The following DPP10 variants were observed in gnomAD, a reference collection of about 807,000 sequenced individuals.
The protein encoded by DPP10 is inactive dipeptidyl peptidase 10.
DPP10 carries 33 observed loss-of-function variants against 120.9 expected under a neutral mutation model. The observed-to-expected ratio is 0.27, with a 90% CI of 0.21 to 0.37. DPP10 has a LOEUF of 0.37. DPP10 is among the 10% of genes least tolerant of loss of function. DPP10 has a pLI of 1.00. For missense variants in DPP10, 816 were observed against 942.8 expected, an observed-to-expected ratio of 0.87 and a Z score of 1.76; for synonymous variants, 337 against 326.1, an observed-to-expected ratio of 1.03 and a Z score of -0.36.
At chr2:115,099,550 AC>A (rs2048579239) in intron 1 of DPP10, among the ~76,000 whole-genome samples, 1 of 152,028 alleles carries the variant, frequency 6.6e-6, no homozygotes, top group Non-Finnish European at 1.5e-5. Context: ...GGACCTTTAA[AC>A]CTCTAGAACC....
intron 4 of DPP10, among the ~76,000 whole-genome samples, chr2:115,511,300 T>C (rs2077210324): frequency 6.6e-6 from 1 of 152,110 alleles, no homozygotes; most frequent in African/African-American, 2.4e-5. Flanking sequence ...ATATTACTTC[T>C]GAAATTTATG....
At chr2:114,558,404 C>G (rs1179825163) in intron 1 of DPP10, among the ~76,000 whole-genome samples, 2 of 152,238 alleles carry the variant, frequency 1.3e-5, no homozygotes, top group Non-Finnish European at 2.9e-5. Flanking sequence ...CTCTCTACTA[C>G]AAAGCCCTTC....
At chr2:114,985,641 T>C (rs1041203426) in intron 1 of DPP10, among the ~76,000 whole-genome samples, 12 of 152,194 alleles carry the variant, frequency 7.9e-5, no homozygotes, top group African/African-American at 2.7e-4. Flanking sequence ...CCATGGGCAA[T>C]GAACAAGTTC....
In DPP10 at chr2:115,408,878, G is replaced by A. The variant is rs192346969; in HGVS notation, c.271+64966G>A. Among the ~76,000 whole-genome samples, 18 of 152,064 alleles carry A rather than the reference G, an allele frequency of 1.2e-4. 1 individual carries two copies. The East Asian group carries it at 3.3e-3, about 28-fold the overall frequency. ...AAAAACATAAAAAATTTAATGTTAA[G>A]AATGTAAGATTCTCTCCAAAAAACT... On this transcript the variant is annotated intron_variant, in intron 3 of 25. Coordinates refer to ENST00000410059, the MANE Select transcript of DPP10 (RefSeq NM_020868.6).
chr2:115,327,034 C>G (rs2106140503), intron 2 of DPP10, among the ~76,000 whole-genome samples: 1 of 152,154 alleles, frequency 6.6e-6, no homozygotes, highest in Non-Finnish European at 1.5e-5. Flanking sequence ...ATCCTACAAG[C>G]TCCATTCTTG....
At chr2:115,610,615 T>C (rs1383381055) in intron 5 of DPP10, among the ~76,000 whole-genome samples, 3 of 152,196 alleles carry the variant, frequency 2.0e-5, no homozygotes, top group African/African-American at 7.2e-5. Context: ...TTTATAATTA[T>C]CCATGTGAAT....
rs544658528 is a variant in DPP10 at position 114,961,554 on chromosome 2, A to G, written c.61-347685A>G. ...CTTATGAAATGTAATTGGAACTTTT[A>G]TCACATTGTGATTGTACCTTTGTGT... On this transcript the variant is annotated intron_variant, in intron 1 of 25. Coordinates refer to ENST00000410059, the MANE Select transcript of DPP10 (RefSeq NM_020868.6). Among the ~76,000 whole-genome samples the G allele has an allele frequency of 2.0e-5, 3 of 152,180 alleles. No homozygotes were observed. The East Asian group carries it at 5.8e-4, about 29-fold the overall frequency.
chr2:115,015,760 G>A (rs1174279020), intron 1 of DPP10, among the ~76,000 whole-genome samples: 1 of 152,086 alleles, frequency 6.6e-6, no homozygotes, highest in Non-Finnish European at 1.5e-5. Flanking sequence ...TTGCTACAAA[G>A]AGAATAAAAT....
chr2:114,803,317 G>A (rs546578301), intron 1 of DPP10, among the ~76,000 whole-genome samples: 4 of 152,278 alleles, frequency 2.6e-5, no homozygotes, highest in Non-Finnish European at 5.9e-5. Context: ...TTTATCAGCA[G>A]CATGAATACA....
At chr2:114,744,268 A>T (rs1217678497) in intron 1 of DPP10, among the ~76,000 whole-genome samples, 1 of 152,232 alleles carries the variant, frequency 6.6e-6, no homozygotes, top group Non-Finnish European at 1.5e-5. Flanking sequence ...AGCAAAGAGT[A>T]ATAGGATTAT....
At chr2:114,537,355 T>G (rs190679973) in intron 1 of DPP10, among the ~76,000 whole-genome samples, 1 of 152,138 alleles carries the variant, frequency 6.6e-6, no homozygotes, top group East Asian at 1.9e-4. Context: ...CTCGGAAGGA[T>G]AGGAATTCAT....
At chr2:115,263,681 C>G (rs1298628695) in intron 1 of DPP10, among the ~76,000 whole-genome samples, 1 of 152,152 alleles carries the variant, frequency 6.6e-6, no homozygotes, top group Non-Finnish European at 1.5e-5. Context: ...CATAAACATT[C>G]TACTCTTGTA....
intron 5 of DPP10, among the ~76,000 whole-genome samples, chr2:115,660,313 G>A (rs2088814577): frequency 6.6e-6 from 1 of 152,116 alleles, no homozygotes; most frequent in Non-Finnish European, 1.5e-5. Flanking sequence ...TTTTTAGAGA[G>A]GCTTGCTTCA....
intron 1 of DPP10, among the ~76,000 whole-genome samples, chr2:114,952,315 A>G (rs1453144764): frequency 1.3e-5 from 2 of 152,186 alleles, no homozygotes; most frequent in African/African-American, 4.8e-5. Flanking sequence ...CACGAAATCA[A>G]CCTTCTTATA....
intron 1 of DPP10, among the ~76,000 whole-genome samples, chr2:115,117,247 T>TC (rs1401510990): frequency 6.6e-6 from 1 of 152,150 alleles, no homozygotes; most frequent in Non-Finnish European, 1.5e-5. Context: ...AGTTAAATGA[T>TC]ATGTGGTTTT....
chr2:115,444,741 A>G (rs943202210), intron 3 of DPP10, among the ~76,000 whole-genome samples: 1 of 152,216 alleles, frequency 6.6e-6, no homozygotes, highest in African/African-American at 2.4e-5. Flanking sequence ...CAAGTATAGA[A>G]GTAATGCATT....
At chr2:114,844,226 C>T (rs1688374566) in intron 1 of DPP10, among the ~76,000 whole-genome samples, 2 of 152,062 alleles carry the variant, frequency 1.3e-5, no homozygotes, top group East Asian at 1.9e-4. Flanking sequence ...TTGTGCAGTG[C>T]TTTTATTCTT....
intron 8 of DPP10, among the ~76,000 whole-genome samples, chr2:115,737,678 A>C (rs1676733029): frequency 6.6e-6 from 1 of 152,178 alleles, no homozygotes; most frequent in African/African-American, 2.4e-5. Flanking sequence ...ACTCAGAACT[A>C]GCAGTTTTAC....
At chr2:115,635,565 T>C (rs972066725) in intron 5 of DPP10, among the ~76,000 whole-genome samples, 5 of 152,240 alleles carry the variant, frequency 3.3e-5, no homozygotes, top group African/African-American at 1.2e-4. Flanking sequence ...CTCAGTTCAG[T>C]CTGTTTAAAT....
Sources: gnomAD v4.1 joint callset for allele counts (sites outside exome capture counted in the v4.1 genomes callset) on GRCh38, gnomAD v4.1.1 for gene constraint, MANE v1.5 for transcripts, NCBI Gene and HGNC (gene_info 2026-07-23, HGNC 2026-07-21) for gene names.